NCKAP5: variants seen among roughly 807,000 people sequenced by gnomAD.
NCKAP5 encodes nck-associated protein 5.
Under a neutral mutation model 167.0 loss-of-function variants are expected in NCKAP5, and 92 were observed. The observed-to-expected ratio is 0.55, with a 90% confidence interval of 0.47 to 0.66. The LOEUF is 0.66. Among genes scored for constraint, NCKAP5 ranks in the 30% least tolerant of loss-of-function variants. The pLI is 0.00. For missense variants in NCKAP5, 2,378 were observed against 2,315.0 expected (o/e 1.03, Z -0.56); for synonymous variants, 891 against 877.4 (o/e 1.02, Z -0.27).
rs768305826 is a variant in NCKAP5 at position 132,784,953 on chromosome 2, G to C, written c.1858C>G (p.Leu620Val). 1 of 1,609,592 alleles carries C rather than the reference G, an allele frequency of 6.2e-7. No individual in the cohort carries two copies. Among genetic ancestry groups the C allele is most frequent in the Non-Finnish European group, 8.5e-7 (1 of 1,177,646 alleles). Residue 620 changes from leucine to valine, a missense_variant, in exon 14 of 20, where the codon CTT (leucine) becomes GTT (valine). Transcript: ENST00000409261. The part of the protein sequence containing the change: ...TDKSVENLDV[L>V]VGFGKSLCGS... ...CATAGAGATTTTCCAAACCCCACAAGGACATCCAGGTTCTCCACGGACTTA... is the reference window on the plus strand; with the variant it reads ...CATAGAGATTTTCCAAACCCCACAACGACATCCAGGTTCTCCACGGACTTA...
intron 3 of NCKAP5, among the ~76,000 whole-genome samples, chr2:133,347,135 C>T (rs1339327755): frequency 1.5e-4 from 23 of 152,218 alleles, no homozygotes; most frequent in Non-Finnish European, 2.9e-5. Context: ...GAAGGAAATA[C>T]TCCTAAACGT....
intron 16 of NCKAP5, among the ~76,000 whole-genome samples, chr2:132,771,929 G>A (rs1220153335): frequency 6.8e-6 from 1 of 146,116 alleles, no homozygotes; most frequent in Non-Finnish European, 1.5e-5. Context: ...CTGACCTCGT[G>A]ATCCACCTGC....
intron 12 of NCKAP5, among the ~76,000 whole-genome samples, chr2:132,795,142 A>C (rs567957109): frequency 6.6e-6 from 1 of 152,308 alleles, no homozygotes; most frequent in East Asian, 1.9e-4. Context: ...TTGAGGTTTT[A>C]ATACCTTGCC....
the NCKAP5 span, among the ~76,000 whole-genome samples, chr2:133,581,862 G>A: frequency 6.6e-6 from 1 of 152,164 alleles, no homozygotes; most frequent in Admixed American, 6.5e-5. Flanking sequence ...CATTTCTAAC[G>A]TTAGCTAGAA....
At chr2:133,282,183 T>A (rs982200531) in intron 4 of NCKAP5, among the ~76,000 whole-genome samples, 1 of 152,238 alleles carries the variant, frequency 6.6e-6, no homozygotes, top group Non-Finnish European at 1.5e-5. Flanking sequence ...AAAACTGTGA[T>A]GATTAAATGA....
At chr2:133,300,237 C>T (rs1680285926) in intron 4 of NCKAP5, among the ~76,000 whole-genome samples, 2 of 127,806 alleles carry the variant, frequency 1.6e-5, no homozygotes. Flanking sequence ...GAAACTATTC[C>T]AATCAATAGA....
intron 4 of NCKAP5, among the ~76,000 whole-genome samples, chr2:133,239,898 C>T (rs2087600043): frequency 6.6e-6 from 1 of 152,274 alleles, no homozygotes; most frequent in Non-Finnish European, 1.5e-5. Context: ...CATGCTTTAG[C>T]TTTAACTATT....
At chr2:132,984,452 C>T (rs544518089) in intron 7 of NCKAP5, among the ~76,000 whole-genome samples, 14 of 152,168 alleles carry the variant, frequency 9.2e-5, no homozygotes, top group Admixed American at 2.6e-4. Context: ...CTCAGATATG[C>T]CTGTCAGGCC....
At chr2:133,180,008 C>T (rs2150030391) in intron 5 of NCKAP5, among the ~76,000 whole-genome samples, 1 of 151,996 alleles carries the variant, frequency 6.6e-6, no homozygotes, top group East Asian at 1.9e-4. Context: ...ACAGGTAAAC[C>T]CAGCGAACTC....
chr2:133,311,638 T>C (rs866995166), intron 3 of NCKAP5, among the ~76,000 whole-genome samples: 53 of 152,290 alleles, frequency 3.5e-4, no homozygotes, highest in African/African-American at 1.2e-3. Context: ...GTCTTCTAAA[T>C]AGAACAAAAG....
intron 8 of NCKAP5, among the ~76,000 whole-genome samples, chr2:132,903,134 CCTAGT>C (rs1364363161): frequency 1.3e-5 from 2 of 152,146 alleles, no homozygotes; most frequent in Admixed American, 1.3e-4. Context: ...GAAGAAGATG[CCTAGT>C]CTAAAGTGAT....
At chr2:133,663,899 T>C in the NCKAP5 span, among the ~76,000 whole-genome samples, 1 of 152,344 alleles carries the variant, frequency 6.6e-6, no homozygotes, top group Non-Finnish European at 1.5e-5. Context: ...GAATGGTGAA[T>C]TCTTTCCAGT....
intron 3 of NCKAP5, among the ~76,000 whole-genome samples, chr2:133,483,891 T>C (rs1483325095): frequency 6.6e-6 from 1 of 152,176 alleles, no homozygotes; most frequent in Non-Finnish European, 1.5e-5. Flanking sequence ...TTCAGCCAGG[T>C]TTGAAAACCA....
At chr2:133,032,292 C>A (rs1407500797) in intron 6 of NCKAP5, among the ~76,000 whole-genome samples, 1 of 152,148 alleles carries the variant, frequency 6.6e-6, no homozygotes, top group East Asian at 1.9e-4. Flanking sequence ...CCTAAGAAAC[C>A]TTGGGCCTTA....
At chr2:133,484,232 T>A (rs374273548) in intron 3 of NCKAP5, among the ~76,000 whole-genome samples, 1 of 152,202 alleles carries the variant, frequency 6.6e-6, no homozygotes, top group East Asian at 1.9e-4. Context: ...CTATCTTGGC[T>A]GAATCCTCAG....
chr2:133,368,411 T>A (rs1244532641), intron 3 of NCKAP5, among the ~76,000 whole-genome samples: 2 of 152,236 alleles, frequency 1.3e-5, no homozygotes, highest in Non-Finnish European at 2.9e-5. Flanking sequence ...TATTTTATTT[T>A]TCCTTTTCTA....
chr2:133,599,373 C>G, the NCKAP5 span, among the ~76,000 whole-genome samples: 2 of 152,152 alleles, frequency 1.3e-5, no homozygotes, highest in Non-Finnish European at 2.9e-5. Flanking sequence ...TGGGAGCACT[C>G]AGAGGCTCTC....
chr2:132,782,403 G>A lies in NCKAP5; in HGVS notation c.4408C>T (p.Pro1470Ser). The A allele has an allele frequency of 6.2e-7, 1 of 1,614,046 alleles. No homozygotes were observed. The highest frequency in any genetic ancestry group is 1.3e-5 in the African/African-American group (1 of 75,062). ...AACATGACCTTTTCTTCGATTGTGGGTGAGAGGGGGGCTTCTGAACTCACA... is the reference window on the plus strand; with the variant it reads ...AACATGACCTTTTCTTCGATTGTGGATGAGAGGGGGGCTTCTGAACTCACA... ...DAVSSEAPLSPTIEEKVMLCI... is the reference protein window; with the variant it reads ...DAVSSEAPLSSTIEEKVMLCI... Residue 1470 changes from proline to serine, a missense_variant, in exon 14 of 20, where the codon CCC (proline) becomes TCC (serine). Physicochemically the swap from Pro to Ser is moderately conservative, Grantham distance 74 (BLOSUM62 -1). Coordinates refer to ENST00000409261, the MANE Select transcript of NCKAP5 (RefSeq NM_207363.3).
chr2:133,591,672 G>C, the NCKAP5 span, among the ~76,000 whole-genome samples: 1 of 152,210 alleles, frequency 6.6e-6, no homozygotes, highest in African/African-American at 2.4e-5. Flanking sequence ...AAAAACACCT[G>C]GATCCCACCT....
Sources: gnomAD v4.1 joint callset for allele counts (sites outside exome capture counted in the v4.1 genomes callset) on GRCh38, gnomAD v4.1.1 for gene constraint, MANE v1.5 for transcripts, NCBI Gene and HGNC (gene_info 2026-07-23, HGNC 2026-07-21) for gene names.